Variants in SLC60A2 observed in about 807,000 individuals in gnomAD.
SLC60A2 encodes the protein solute carrier family 60 member 2.
chr6:111,276,415 C>A, the SLC60A2 span, among the ~76,000 whole-genome samples: 2 of 152,098 alleles, frequency 1.3e-5, no homozygotes, highest in African/African-American at 2.4e-5. Context: ...AGAGAATAAA[C>A]ACATACTTTT....
the SLC60A2 span, chr6:111,266,137 AC>A: frequency 6.2e-7 from 1 of 1,613,510 alleles, no homozygotes; most frequent in Non-Finnish European, 8.5e-7. Flanking sequence ...ATCGGTACTT[AC>A]ATGTTCTTAG....
At chr6:111,270,869 T>G in the SLC60A2 span, 3 of 149,840 alleles carry the variant, frequency 2.0e-5, no homozygotes, top group Admixed American at 6.7e-5. Flanking sequence ...AATATTCAAC[T>G]ATGAGCTGGG....
At chr6:111,267,219 A>C in the SLC60A2 span, 1 of 1,241,422 alleles carries the variant, frequency 8.1e-7, no homozygotes, top group South Asian at 1.6e-5. Context: ...TTTGGGGATT[A>C]AAATTTTTAG....
the SLC60A2 span, chr6:111,266,016 AACCACACAGAGTCTG>A: frequency 6.2e-6 from 10 of 1,614,132 alleles, no homozygotes; most frequent in East Asian, 2.2e-4. Flanking sequence ...GTCTGCTGAA[AACCACACAGAGTCTG>A]ACTTCCATCC....
At chr6:111,259,463 A>G in the SLC60A2 span, 5 of 452,818 alleles carry the variant, frequency 1.1e-5, no homozygotes, top group Non-Finnish European at 2.0e-5. Context: ...GGTCGGGGCC[A>G]GTGCTCTTCT....
At chr6:111,262,209 ATTATT>A in the SLC60A2 span, 5 of 1,504,852 alleles carry the variant, frequency 3.3e-6, no homozygotes, top group Non-Finnish European at 2.7e-6. Context: ...ATAGTTAGAC[ATTATT>A]TTAATGATTA....
At chr6:111,260,279 C>T in the SLC60A2 span, among the ~76,000 whole-genome samples, 1 of 152,186 alleles carries the variant, frequency 6.6e-6, no homozygotes, top group South Asian at 2.1e-4. Context: ...GGTCTTTGGC[C>T]GCTGCTCTCC....
the SLC60A2 span, among the ~76,000 whole-genome samples, chr6:111,274,704 A>G: frequency 6.6e-5 from 10 of 151,764 alleles, no homozygotes; most frequent in Non-Finnish European, 1.5e-4. Flanking sequence ...ATGCTTTTGT[A>G]TGTTTTCATG....
At chr6:111,267,051 C>T in the SLC60A2 span, 6 of 1,613,982 alleles carry the variant, frequency 3.7e-6, no homozygotes, top group African/African-American at 5.3e-5. Context: ...TGAGTCTTCT[C>T]CTTTTAATAC....
the SLC60A2 span, chr6:111,270,288 G>C: frequency 6.6e-6 from 1 of 152,184 alleles, no homozygotes; most frequent in African/African-American, 2.4e-5. Context: ...CAAAACTCAA[G>C]GGTAGAGGCT....
At chr6:111,261,680 G>T in the SLC60A2 span, among the ~76,000 whole-genome samples, 18 of 151,944 alleles carry the variant, frequency 1.2e-4, no homozygotes, top group African/African-American at 4.1e-4. Flanking sequence ...TGCAACCTCC[G>T]CATCCCGTGT....
the SLC60A2 span, among the ~76,000 whole-genome samples, chr6:111,260,875 C>G: frequency 1.3e-5 from 2 of 152,342 alleles, no homozygotes; most frequent in African/African-American, 4.8e-5. Flanking sequence ...TCTCGAAGTA[C>G]GAGGTGCTTG....
At chr6:111,259,752 C>G in the SLC60A2 span, 1 of 1,564,432 alleles carries the variant, frequency 6.4e-7, no homozygotes. Flanking sequence ...TGCAACACTC[C>G]CAGGCCGGGG....
At chr6:111,260,309 C>A in the SLC60A2 span, among the ~76,000 whole-genome samples, 1 of 152,236 alleles carries the variant, frequency 6.6e-6, no homozygotes, top group African/African-American at 2.4e-5. Flanking sequence ...CACTCAACCC[C>A]CAAATTATTA....
At chr6:111,278,327 T>G in the SLC60A2 span, 2 of 152,086 alleles carry the variant, frequency 1.3e-5, no homozygotes, top group Non-Finnish European at 2.9e-5. Flanking sequence ...TCTTAGGGAG[T>G]CCAGGTTTAT....
At chr6:111,273,496 G>GTT in the SLC60A2 span, among the ~76,000 whole-genome samples, 98 of 109,848 alleles carry the variant, frequency 8.9e-4, 1 homozygote, top group Middle Eastern at 9.2e-3. Flanking sequence ...TGAGATTTGT[G>GTT]TTTTTTTTTT....
At chr6:111,269,265 T>G in the SLC60A2 span, 2 of 152,452 alleles carry the variant, frequency 1.3e-5, no homozygotes, top group Non-Finnish European at 2.9e-5. Flanking sequence ...AATGACGTGA[T>G]CTCAGCTCAC....
chr6:111,272,801 C>T, the SLC60A2 span, among the ~76,000 whole-genome samples: 8 of 151,026 alleles, frequency 5.3e-5, no homozygotes, highest in Non-Finnish European at 1.2e-4. Context: ...TGTGAGCCAC[C>T]GCACCCGATC....
chr6:111,273,889 T>A, the SLC60A2 span, among the ~76,000 whole-genome samples: 1 of 152,120 alleles, frequency 6.6e-6, no homozygotes, highest in Non-Finnish European at 1.5e-5. Context: ...CCATGGCTAA[T>A]TTGTTATTTC....
Sources: gnomAD v4.1 joint callset for allele counts (sites outside exome capture counted in the v4.1 genomes callset) on GRCh38, gnomAD v4.1.1 for gene constraint, MANE v1.5 for transcripts, NCBI Gene and HGNC (gene_info 2026-07-23, HGNC 2026-07-21) for gene names.